Variants in ATRNL1 observed in about 807,000 individuals in gnomAD.
ATRNL1 encodes the protein attractin-like protein 1.
A neutral mutation model predicts 182.7 loss-of-function variants in ATRNL1; 95 were observed. The observed-to-expected ratio is 0.52, with a 90% confidence interval of 0.44 to 0.62. The LOEUF is 0.62. Among genes scored for constraint, ATRNL1 ranks in the 20% least tolerant of loss-of-function variants. The pLI, the probability that ATRNL1 is intolerant of heterozygous loss-of-function variation, is 0.00. For synonymous variants in ATRNL1, 576 were observed against 568.3 expected (o/e 1.01, Z -0.19); for missense variants, 1,471 against 1,679.5 (o/e 0.88, Z 2.17).
chr10:115,751,394 G>T (rs1210185058), intron 27 of ATRNL1, among the ~76,000 whole-genome samples: 2 of 152,010 alleles, frequency 1.3e-5, no homozygotes, highest in African/African-American at 2.4e-5. Context: ...TAAATTTGTG[G>T]TAACTTGTTG....
At chr10:115,603,228 A>G (rs111700543) in intron 26 of ATRNL1, among the ~76,000 whole-genome samples, 2,957 of 152,288 alleles carry the variant, frequency 0.019, 65 homozygotes, top group East Asian at 0.12. Flanking sequence ...GAAAATTCCA[A>G]GCTAATGATA....
intron 18 of ATRNL1, among the ~76,000 whole-genome samples, chr10:115,331,562 G>T (rs1352866646): frequency 2.0e-5 from 3 of 152,060 alleles, no homozygotes; most frequent in Non-Finnish European, 4.4e-5. Flanking sequence ...ATATGTTTAG[G>T]ATTAGTAATT....
chr10:115,698,783 A>T (rs1946643387), intron 26 of ATRNL1, among the ~76,000 whole-genome samples: 1 of 152,130 alleles, frequency 6.6e-6, no homozygotes, highest in African/African-American at 2.4e-5. Context: ...TCTCAAAAAA[A>T]AAAAGAAGAA....
chr10:115,476,282 G>C (rs782467777), intron 24 of ATRNL1, among the ~76,000 whole-genome samples: 4 of 151,174 alleles, frequency 2.6e-5, no homozygotes, highest in Non-Finnish European at 5.9e-5. Context: ...AAAAACTATG[G>C]TTTTAATCCT....
At chr10:115,530,040 C>T (rs959710159) in intron 25 of ATRNL1, among the ~76,000 whole-genome samples, 2 of 152,166 alleles carry the variant, frequency 1.3e-5, no homozygotes, top group African/African-American at 4.8e-5. Context: ...TTATCCGTAA[C>T]GTAGTATGGA....
At chr10:115,431,031 A>G (rs1175557746) in intron 21 of ATRNL1, among the ~76,000 whole-genome samples, 1 of 152,136 alleles carries the variant, frequency 6.6e-6, no homozygotes, top group Non-Finnish European at 1.5e-5. Context: ...TAGAAGAGTC[A>G]TATCATGTCT....
intron 24 of ATRNL1, among the ~76,000 whole-genome samples, chr10:115,481,221 T>A (rs1218219906): frequency 1.3e-5 from 2 of 150,362 alleles, no homozygotes; most frequent in Non-Finnish European, 3.0e-5. Context: ...TTAATTAATG[T>A]TTTTAATACT....
At chr10:115,394,634 A>G (rs186653694) in intron 19 of ATRNL1, 25 bp from the exon 20 acceptor site, 287 of 1,514,842 alleles carry the variant, frequency 1.9e-4, no homozygotes, top group Middle Eastern at 8.6e-4. Flanking sequence ...AGAATATTCA[A>G]TATCATTTTG....
chr10:115,586,978 G>C (rs1164249115), intron 26 of ATRNL1, among the ~76,000 whole-genome samples: 1 of 139,436 alleles, frequency 7.2e-6, no homozygotes, highest in Non-Finnish European at 1.6e-5. Flanking sequence ...TAACAGACAG[G>C]ACCCTCAGCT....
At chr10:115,230,864 A>G (rs1004116383) in intron 9 of ATRNL1, among the ~76,000 whole-genome samples, 17 of 139,486 alleles carry the variant, frequency 1.2e-4, no homozygotes, top group African/African-American at 4.6e-4. Context: ...CTGGATATAG[A>G]GTGGATGAGA....
chr10:115,265,276 G>T lies in ATRNL1; in HGVS notation c.1771G>T (p.Gly591Trp). 6.3e-7 allele frequency: 1 copy of T among 1,587,754 alleles called. No individual in the cohort carries two copies. Residue 591 changes from glycine (G) to tryptophan (W), a missense_variant and splice_region_variant, in exon 11 of 29, where the codon GGG becomes TGG. This residue lies in a region of ATRNL1 where 1,031 missense variants were observed against 1,156.0 expected (regional missense o/e 0.89). Coordinates refer to ENST00000355044, the MANE Select transcript of ATRNL1 (RefSeq NM_207303.4). ...RFGHSAVVIN[G>W]SMYIFGGFSS... ...TGGACACTCTGCAGTAGTCATTAAC[G>T]GGTAAAAGAAGCACATTTCCAATTT... is the stretch of plus-strand genomic sequence containing the variant.
intron 28 of ATRNL1, among the ~76,000 whole-genome samples, chr10:115,861,299 C>T (rs1396227214): frequency 6.6e-6 from 1 of 152,140 alleles, no homozygotes; most frequent in African/African-American, 2.4e-5. Context: ...CCCAGGCGAG[C>T]TAAGGGCAGG....
chr10:115,107,580 ACT>A (rs551645326), intron 1 of ATRNL1, among the ~76,000 whole-genome samples: 8 of 152,096 alleles, frequency 5.3e-5, no homozygotes, highest in Admixed American at 4.6e-4. Flanking sequence ...CACATGGGTG[ACT>A]CTATAGTTCT....
chr10:115,443,393 CT>C (rs1445968733), intron 21 of ATRNL1, among the ~76,000 whole-genome samples: 1 of 151,874 alleles, frequency 6.6e-6, no homozygotes, highest in Non-Finnish European at 1.5e-5. Context: ...AAATAGAAGA[CT>C]TTGATTTTGC....
intron 9 of ATRNL1, among the ~76,000 whole-genome samples, chr10:115,227,941 T>C (rs782768659): frequency 6.6e-5 from 10 of 152,150 alleles, no homozygotes; most frequent in Non-Finnish European, 1.0e-4. Context: ...TATGATTGTG[T>C]AGTATTTGAA....
At chr10:115,772,831 G>C (rs1434287253) in intron 27 of ATRNL1, among the ~76,000 whole-genome samples, 1 of 152,102 alleles carries the variant, frequency 6.6e-6, no homozygotes. Flanking sequence ...ATTTTTGCAG[G>C]CTAAATCAGA....
At chr10:115,821,037 GC>G (rs1262959877) in intron 27 of ATRNL1, among the ~76,000 whole-genome samples, 17 of 152,004 alleles carry the variant, frequency 1.1e-4, no homozygotes, top group African/African-American at 4.1e-4. Flanking sequence ...CAAGCCTGCT[GC>G]CATGTAATAC....
chr10:115,218,665 A>T (rs1245776369), intron 9 of ATRNL1, among the ~76,000 whole-genome samples: 1 of 152,254 alleles, frequency 6.6e-6, no homozygotes, highest in African/African-American at 2.4e-5. Context: ...TCGAGAGTTT[A>T]CTTGTCGCCC....
intron 27 of ATRNL1, among the ~76,000 whole-genome samples, chr10:115,776,279 A>G (rs1268355816): frequency 6.6e-6 from 1 of 152,230 alleles, no homozygotes; most frequent in Non-Finnish European, 1.5e-5. Context: ...TAATCTGGAC[A>G]TGGAGTATCT....
Sources: allele counts gnomAD v4.1 joint callset (sites outside exome capture counted in the v4.1 genomes callset), GRCh38; gene constraint gnomAD v4.1.1; regional missense constraint gnomAD v4.1.1; transcripts MANE v1.5; gene names NCBI Gene and HGNC (gene_info 2026-07-23, HGNC 2026-07-21).